SUCLG2: variants seen among roughly 807,000 people sequenced by gnomAD.
SUCLG2 encodes succinate-CoA ligase GDP-forming subunit beta, also known as succinate--CoA ligase [GDP-forming] subunit beta, mitochondrial.
A neutral mutation model predicts 47.9 loss-of-function variants in SUCLG2; 42 were observed. The ratio of observed to expected loss-of-function variants is 0.88; its 90% CI spans 0.69 to 1.14. The LOEUF is 1.14. Among genes scored for constraint, SUCLG2 ranks in the 50% most tolerant of loss-of-function variants. The pLI is 0.00. For missense variants in SUCLG2, 571 were observed against 525.9 expected (o/e 1.09, Z -0.84); for synonymous variants, 195 against 197.3 (o/e 0.99, Z 0.10).
chr3:67,601,810 C>T (rs753040926), intron 2 of SUCLG2, among the ~76,000 whole-genome samples: 14 of 151,880 alleles, frequency 9.2e-5, no homozygotes, highest in Admixed American at 6.6e-5. Flanking sequence ...GGCGAAACCC[C>T]GTGTCTATTA....
intron 9 of SUCLG2, among the ~76,000 whole-genome samples, chr3:67,462,098 C>T (rs1238023227): frequency 6.6e-6 from 1 of 152,104 alleles, no homozygotes; most frequent in Non-Finnish European, 1.5e-5. Context: ...TCCCACAGCT[C>T]CTGTTACAGC....
chr3:67,517,798 A>G (rs925734357), intron 6 of SUCLG2, among the ~76,000 whole-genome samples: 1 of 152,226 alleles, frequency 6.6e-6, no homozygotes, highest in Non-Finnish European at 1.5e-5. Context: ...AATACCATTA[A>G]GAACAGACCT....
chr3:67,522,180 T>C (rs750626476), intron 4 of SUCLG2, among the ~76,000 whole-genome samples: 1 of 151,876 alleles, frequency 6.6e-6, no homozygotes, highest in Non-Finnish European at 1.5e-5. Flanking sequence ...TAGCTGAAAC[T>C]ACAGGCACGT....
At chr3:67,652,479 A>G (rs1386235447) in intron 1 of SUCLG2, among the ~76,000 whole-genome samples, 1 of 152,204 alleles carries the variant, frequency 6.6e-6, no homozygotes, top group Non-Finnish European at 1.5e-5. Flanking sequence ...GACTATGGAA[A>G]CGTAATATCA....
chr3:67,420,953 T>G (rs1213887052), intron 9 of SUCLG2, among the ~76,000 whole-genome samples: 1 of 152,204 alleles, frequency 6.6e-6, no homozygotes, highest in Non-Finnish European at 1.5e-5. Context: ...ATAACTCAGA[T>G]AAACATGTAA....
intron 9 of SUCLG2, among the ~76,000 whole-genome samples, chr3:67,482,222 G>GGGAA (rs981837141): frequency 2.0e-5 from 3 of 152,112 alleles, no homozygotes; most frequent in African/African-American, 7.2e-5. Flanking sequence ...GAGGGAGGGA[G>GGGAA]GGAAGGAAGA....
chr3:67,542,077 T>G (rs1049914781), intron 2 of SUCLG2, among the ~76,000 whole-genome samples: 1 of 152,034 alleles, frequency 6.6e-6, no homozygotes, highest in Non-Finnish European at 1.5e-5. Flanking sequence ...TTTCTCCATG[T>G]AGGTCAGGTT....
chr3:67,640,647 CACT>C (rs200530491), intron 1 of SUCLG2, among the ~76,000 whole-genome samples: 2,291 of 152,278 alleles, frequency 0.015, 65 homozygotes, highest in African/African-American at 0.051. Flanking sequence ...TAATTTTCAC[CACT>C]ATTTGCCTAT....
chr3:67,514,878 A>G (rs1705898810), intron 6 of SUCLG2, among the ~76,000 whole-genome samples: 1 of 152,218 alleles, frequency 6.6e-6, no homozygotes, highest in Non-Finnish European at 1.5e-5. Flanking sequence ...GTTGTGGTGA[A>G]AAACCTTCAG....
chr3:67,627,083 G>T (rs1291133974), intron 1 of SUCLG2, among the ~76,000 whole-genome samples: 1 of 152,046 alleles, frequency 6.6e-6, no homozygotes, highest in African/African-American at 2.4e-5. Flanking sequence ...CAGTGAGCTT[G>T]AAATTGAAGA....
At chr3:67,395,000 C>T (rs1393109145) in intron 10 of SUCLG2, among the ~76,000 whole-genome samples, 1 of 151,814 alleles carries the variant, frequency 6.6e-6, no homozygotes, top group African/African-American at 2.4e-5. Context: ...CCAGGCCTGC[C>T]CTAAAAGATC....
At chr3:67,618,784 T>C (rs958337428) in intron 1 of SUCLG2, among the ~76,000 whole-genome samples, 3 of 152,196 alleles carry the variant, frequency 2.0e-5, no homozygotes, top group South Asian at 2.1e-4. Context: ...TTGGTAATAA[T>C]AATAATGACG....
intron 10 of SUCLG2, among the ~76,000 whole-genome samples, chr3:67,386,804 T>C (rs923506243): frequency 6.6e-6 from 1 of 152,180 alleles, no homozygotes; most frequent in Non-Finnish European, 1.5e-5. Flanking sequence ...TCATTTACAG[T>C]ATCATTCTTG....
chr3:67,408,785 C>T, intron 9 of SUCLG2: 14 of 1,333,452 alleles, frequency 1.0e-5, no homozygotes, highest in Admixed American at 3.5e-5. Flanking sequence ...TATAACTTTC[C>T]CTGGTAAATA....
chr3:67,514,552 A>AG (rs1230079006), intron 6 of SUCLG2, among the ~76,000 whole-genome samples: 1 of 152,234 alleles, frequency 6.6e-6, no homozygotes, highest in Non-Finnish European at 1.5e-5. Flanking sequence ...TAAACCTTAG[A>AG]GGCACATGTT....
intron 2 of SUCLG2, among the ~76,000 whole-genome samples, chr3:67,592,520 G>A (rs1054147336): frequency 2.0e-5 from 3 of 151,932 alleles, no homozygotes; most frequent in Non-Finnish European, 2.9e-5. Flanking sequence ...CAAATATGCC[G>A]AGCAAGTTAT....
At position 67,514,414 on chromosome 3, in the gene SUCLG2, T is replaced by G. The variant is rs919203439; in HGVS notation, c.660+3833A>C. On this transcript the variant is annotated intron_variant, in intron 6 of 10. Transcript: ENST00000307227. ...CAACAGGTTAAGAATTTTAAATATT[T>G]TTCTTGCATTCCAGAAATTATCATC... 1.8e-5 allele frequency: 5 copies of G among 280,316 alleles called. No homozygotes were observed. In the Admixed American group the frequency reaches 2.0e-4, roughly 11 times the overall value. The allele number at this position is 280,316 out of a possible 1,614,324, so 17.4% of individuals were successfully genotyped here.
intron 9 of SUCLG2, among the ~76,000 whole-genome samples, chr3:67,410,296 A>C (rs1427181491): frequency 2.0e-5 from 3 of 152,254 alleles, no homozygotes; most frequent in Non-Finnish European, 4.4e-5. Context: ...GGCCCTGGCC[A>C]GGCCAAGGGT....
At chr3:67,470,369 T>C (rs9866060) in intron 9 of SUCLG2, among the ~76,000 whole-genome samples, 1,954 of 152,328 alleles carry the variant, frequency 0.013, 48 homozygotes, top group African/African-American at 0.045. Flanking sequence ...CTGCTGAGTC[T>C]GTAACTGCAT....
Sources: allele counts gnomAD v4.1 joint callset (sites outside exome capture counted in the v4.1 genomes callset), GRCh38; gene constraint gnomAD v4.1.1; transcripts MANE v1.5; gene names NCBI Gene and HGNC (gene_info 2026-07-23, HGNC 2026-07-21).